Variants in GRB14 observed in about 807,000 individuals in gnomAD.
GRB14 encodes the protein growth factor receptor-bound protein 14.
Under a neutral mutation model 69.1 loss-of-function variants are expected in GRB14, and 38 were observed. That is an observed-to-expected ratio of 0.55 (90% CI 0.42 to 0.72). The LOEUF is 0.72. Among genes scored for constraint, GRB14 ranks in the 30% least tolerant of loss-of-function variants. The pLI, the probability that GRB14 is intolerant of heterozygous loss-of-function variation, is 0.00. For synonymous variants in GRB14, 247 were observed against 241.3 expected (o/e 1.02, Z -0.22); for missense variants, 666 against 666.1 (o/e 1.00, Z 0.00).
chr2:164,561,989 G>A (rs1688840956), intron 2 of GRB14, among the ~76,000 whole-genome samples: 1 of 152,154 alleles, frequency 6.6e-6, no homozygotes, highest in Non-Finnish European at 1.5e-5. Context: ...AAAAGCAACA[G>A]AGACAAATAT....
At chr2:164,529,394 T>C (rs767216260) in intron 3 of GRB14, among the ~76,000 whole-genome samples, 1 of 152,158 alleles carries the variant, frequency 6.6e-6, no homozygotes, top group Non-Finnish European at 1.5e-5. Context: ...ACTGTACACA[T>C]ACAAAATTTC....
chr2:164,527,522 A>C (rs533292616), intron 3 of GRB14, among the ~76,000 whole-genome samples: 135 of 151,976 alleles, frequency 8.9e-4, no homozygotes, highest in African/African-American at 3.2e-3. Context: ...ATGGTGCCAA[A>C]ACTAAAGTAT....
At chr2:164,495,977 G>T (rs572347644) in intron 12 of GRB14, among the ~76,000 whole-genome samples, 3 of 152,110 alleles carry the variant, frequency 2.0e-5, no homozygotes, top group Non-Finnish European at 4.4e-5. Flanking sequence ...AATTCTTTGT[G>T]ACTCATTTAT....
At chr2:164,569,163 A>C (rs1236472616) in intron 2 of GRB14, among the ~76,000 whole-genome samples, 1 of 152,202 alleles carries the variant, frequency 6.6e-6, no homozygotes, top group Non-Finnish European at 1.5e-5. Flanking sequence ...TCATTCCATT[A>C]AAAGCATTTA....
Position 164,567,141 on chromosome 2 carries a change from A to C in GRB14, c.325-19325T>G, listed in dbSNP as rs538515255. On this transcript the variant is annotated intron_variant, in intron 2 of 13. Coordinates refer to ENST00000263915, the MANE Select transcript of GRB14 (RefSeq NM_004490.3). ...CACTGCTAAGTCCAATTCCAAATAA[A>C]AGTTAAAACCCAAAGCAAAATATTT... 5.1e-4 allele frequency among the ~76,000 whole-genome samples: 78 copies of C among 152,268 alleles called. 1 individual carries two copies. The highest frequency in any genetic ancestry group is 1.8e-3 in the African/African-American group (76 of 41,572).
intron 9 of GRB14, among the ~76,000 whole-genome samples, chr2:164,499,798 G>A (rs1255693935): frequency 6.6e-6 from 1 of 152,060 alleles, no homozygotes; most frequent in Non-Finnish European, 1.5e-5. Context: ...CCCATTTGAA[G>A]GATTTAGATA....
intron 2 of GRB14, among the ~76,000 whole-genome samples, chr2:164,619,350 C>T (rs2105366172): frequency 6.6e-6 from 1 of 152,290 alleles, no homozygotes; most frequent in East Asian, 1.9e-4. Flanking sequence ...ACTGCCCACC[C>T]CGTCCCAGCC....
chr2:164,609,532 C>T (rs953769331), intron 2 of GRB14, among the ~76,000 whole-genome samples: 7 of 152,172 alleles, frequency 4.6e-5, no homozygotes, highest in Non-Finnish European at 1.0e-4. Context: ...GGTGTTTGTA[C>T]GTGCATTTTC....
intron 1 of GRB14, 184 bp from the exon 2 acceptor site, chr2:164,620,003 G>T: frequency 2.7e-6 from 1 of 364,716 alleles, no homozygotes; most frequent in Non-Finnish European, 4.9e-6. Flanking sequence ...ATGTTAATTA[G>T]ATACAAACAA....
intron 2 of GRB14, among the ~76,000 whole-genome samples, chr2:164,605,937 T>A (rs1181549232): frequency 1.3e-5 from 2 of 152,112 alleles, no homozygotes; most frequent in Non-Finnish European, 2.9e-5. Context: ...CTCAAATGTT[T>A]CCACCAGAGA....
chr2:164,569,410 A>G (rs889999656), intron 2 of GRB14, among the ~76,000 whole-genome samples: 13 of 152,204 alleles, frequency 8.5e-5, no homozygotes, highest in African/African-American at 2.9e-4. Flanking sequence ...AGCTTTTACA[A>G]TTGTAAAATC....
intron 2 of GRB14, among the ~76,000 whole-genome samples, chr2:164,559,284 ACTTTT>A (rs1297185084): frequency 6.6e-6 from 1 of 152,046 alleles, no homozygotes; most frequent in African/African-American, 2.4e-5. Flanking sequence ...TTATTTATTT[ACTTTT>A]CTTATTTTAT....
intron 2 of GRB14, among the ~76,000 whole-genome samples, chr2:164,613,792 T>C (rs1690221242): frequency 6.6e-6 from 1 of 152,178 alleles, no homozygotes. Flanking sequence ...CTCTGTTTTG[T>C]CTGAACAATC....
Position 164,621,091 on chromosome 2 carries a change from C to A in GRB14, c.191+28G>T. 1 of 1,245,706 alleles carries A rather than the reference C, an allele frequency of 8.0e-7. No individual in the cohort carries two copies. Among genetic ancestry groups the A allele is most frequent in the Non-Finnish European group, 1.0e-6 (1 of 988,130 alleles). 77.2% of individuals were successfully genotyped at this position (1,245,706 alleles called of 1,614,324 possible). Reference sequence around the variant, plus strand: ...CCTCGCCGGCTGCCCAGCCAGGACACTCCCCCGCGCCCTCCAGGGTTGCCT... The same window carrying A: ...CCTCGCCGGCTGCCCAGCCAGGACAATCCCCCGCGCCCTCCAGGGTTGCCT... On this transcript the variant is annotated intron_variant, in intron 1 of 13. Coordinates refer to ENST00000263915, the MANE Select transcript of GRB14 (RefSeq NM_004490.3). This position sits in a 1 kb window ranked among gnomAD's most constrained non-coding sequence, Gnocchi z 6.0.
chr2:164,552,082 T>C (rs1331021072), intron 2 of GRB14, among the ~76,000 whole-genome samples: 2 of 152,108 alleles, frequency 1.3e-5, no homozygotes, highest in Non-Finnish European at 2.9e-5. Flanking sequence ...TCTTGGGAGC[T>C]AAGAGTGAAA....
At chr2:164,505,946 T>C (rs1453887399) in intron 8 of GRB14, among the ~76,000 whole-genome samples, 1 of 152,202 alleles carries the variant, frequency 6.6e-6, no homozygotes, top group Admixed American at 6.5e-5. Context: ...GAAGTGGGCT[T>C]ACCACCTGCT....
chr2:164,592,531 G>A (rs1689690598), intron 2 of GRB14, among the ~76,000 whole-genome samples: 1 of 152,138 alleles, frequency 6.6e-6, no homozygotes, highest in Non-Finnish European at 1.5e-5. Flanking sequence ...TGACATGGAG[G>A]CCCTACCTCT....
At position 164,500,525 on chromosome 2, in the gene GRB14, C is replaced by A. The variant is rs1051088540; in HGVS notation, c.1104+1730G>T. On this transcript the variant is annotated intron_variant, in intron 9 of 13. Coordinates refer to ENST00000263915, the MANE Select transcript of GRB14 (RefSeq NM_004490.3). Reference sequence around the variant, plus strand: ...TAAAGAGTACTGGCATCTTTTAGGCCCCTGATTCTTCCCAAATAATCTGGA... The same window carrying A: ...TAAAGAGTACTGGCATCTTTTAGGCACCTGATTCTTCCCAAATAATCTGGA... Among the ~76,000 whole-genome samples, 12 of 152,042 alleles carry A rather than the reference C, an allele frequency of 7.9e-5. No homozygotes were observed. The East Asian group carries it at 2.3e-3, about 29-fold the overall frequency.
At chr2:164,523,111 C>A (rs1319251396) in intron 5 of GRB14, among the ~76,000 whole-genome samples, 1 of 152,036 alleles carries the variant, frequency 6.6e-6, no homozygotes, top group Admixed American at 6.6e-5. Context: ...CAAGGAGTAT[C>A]AAACGACATG....
Sources: gnomAD v4.1 joint callset for allele counts (sites outside exome capture counted in the v4.1 genomes callset) on GRCh38, gnomAD v4.1.1 for gene constraint, Gnocchi (gnomAD v3.1) non-coding constraint, MANE v1.5 for transcripts, NCBI Gene and HGNC (gene_info 2026-07-23, HGNC 2026-07-21) for gene names.